KDM4C: variants seen among roughly 807,000 people sequenced by gnomAD.
The protein encoded by KDM4C is lysine demethylase 4C, also known as lysine-specific demethylase 4C.
A neutral mutation model predicts 129.3 loss-of-function variants in KDM4C; 81 were observed. The observed-to-expected ratio is 0.63, with a 90% confidence interval of 0.52 to 0.75. KDM4C has a LOEUF of 0.75. Among genes scored for constraint, KDM4C ranks in the 30% least tolerant of loss-of-function variants. The pLI, the probability that KDM4C is intolerant of heterozygous loss-of-function variation, is 0.00. For synonymous variants in KDM4C, 573 were observed against 456.1 expected (o/e 1.26, Z -3.26); for missense variants, 1,457 against 1,304.0 (o/e 1.12, Z -1.81).
At chr9:6,854,019 A>G (rs2130243479) in intron 5 of KDM4C, among the ~76,000 whole-genome samples, 1 of 152,292 alleles carries the variant, frequency 6.6e-6, no homozygotes, top group African/African-American at 2.4e-5. Flanking sequence ...TATTTTAATA[A>G]CCATGAAAAT....
intron 4 of KDM4C, among the ~76,000 whole-genome samples, chr9:6,831,131 T>G (rs1425651610): frequency 1.3e-5 from 2 of 152,096 alleles, no homozygotes; most frequent in East Asian, 3.9e-4. Context: ...CACTAGTCAG[T>G]GGGGGAAGCG....
intron 15 of KDM4C, among the ~76,000 whole-genome samples, chr9:7,038,347 C>G (rs1425244322): frequency 6.6e-6 from 1 of 151,898 alleles, no homozygotes; most frequent in Non-Finnish European, 1.5e-5. Flanking sequence ...TGTCAGTTGG[C>G]CTTTCAGCTC....
At chr9:7,044,621 A>G (rs1829119210) in intron 15 of KDM4C, among the ~76,000 whole-genome samples, 1 of 151,916 alleles carries the variant, frequency 6.6e-6, no homozygotes, top group Admixed American at 6.6e-5. Context: ...GGCACCAATG[A>G]TGGAAAACAG....
intron 12 of KDM4C, among the ~76,000 whole-genome samples, chr9:6,998,325 C>A (rs559775888): frequency 6.6e-6 from 1 of 152,238 alleles, no homozygotes; most frequent in East Asian, 1.9e-4. Flanking sequence ...AATTGGAGAT[C>A]TTTCTTGGTG....
At chr9:7,094,343 T>A (rs59643629) in intron 17 of KDM4C, among the ~76,000 whole-genome samples, 3,688 of 152,184 alleles carry the variant, frequency 0.024, 167 homozygotes, top group African/African-American at 0.084. Flanking sequence ...TCTTTTTTTT[T>A]ATTTTATTTT....
chr9:7,146,692 T>A (rs1354265504), intron 19 of KDM4C, among the ~76,000 whole-genome samples: 1 of 152,214 alleles, frequency 6.6e-6, no homozygotes, highest in Admixed American at 6.5e-5. Context: ...GCTTGAAAAT[T>A]CCCAGGTAAG....
At chr9:6,868,947 G>A (rs1006053702) in intron 5 of KDM4C, among the ~76,000 whole-genome samples, 1 of 151,818 alleles carries the variant, frequency 6.6e-6, no homozygotes, top group African/African-American at 2.4e-5. Context: ...AGTAGACTAG[G>A]TAATATAAAA....
intron 18 of KDM4C, among the ~76,000 whole-genome samples, chr9:7,115,225 G>A (rs769865260): frequency 1.2e-4 from 18 of 151,936 alleles, no homozygotes; most frequent in East Asian, 3.9e-4. Context: ...TATTTTTTTC[G>A]TAGATAAGGT....
intron 1 of KDM4C, among the ~76,000 whole-genome samples, chr9:6,742,083 C>T (rs575250943): frequency 7.2e-5 from 11 of 152,026 alleles, no homozygotes; most frequent in Non-Finnish European, 1.3e-4. Context: ...AGCGATTTTC[C>T]TGCCTCAGCC....
At chr9:6,771,949 T>C (rs1821932721) in intron 1 of KDM4C, among the ~76,000 whole-genome samples, 1 of 152,148 alleles carries the variant, frequency 6.6e-6, no homozygotes. Context: ...CTCTCCCCAT[T>C]CCAGCCCCCC....
At chr9:7,051,700 G>A (rs759836604) in intron 17 of KDM4C, among the ~76,000 whole-genome samples, 6 of 152,112 alleles carry the variant, frequency 3.9e-5, no homozygotes, top group Non-Finnish European at 1.5e-5. Flanking sequence ...GGAGCTGTGG[G>A]CATTCCTTTT....
chr9:6,770,145 C>G (rs1821448576), intron 1 of KDM4C, among the ~76,000 whole-genome samples: 1 of 151,532 alleles, frequency 6.6e-6, no homozygotes, highest in Admixed American at 6.6e-5. Context: ...TGCCATTGCA[C>G]TCTAGCCTGG....
chr9:6,738,298 G>C lies in KDM4C; in HGVS notation c.49+17301G>C, dbSNP rs557316522. ...TTGAGACTGGCCTGACCAACATGGAGAAACCCCGTCTCTACTAAAAATACA... is the reference window on the plus strand; with the variant it reads ...TTGAGACTGGCCTGACCAACATGGACAAACCCCGTCTCTACTAAAAATACA... On this transcript the variant is annotated intron_variant, in intron 1 of 17. Transcript: ENST00000536108. Among the ~76,000 whole-genome samples, 15 of 152,140 alleles carry C rather than the reference G, an allele frequency of 9.9e-5. No individual in the cohort carries two copies. In the East Asian group the frequency reaches 1.7e-3, roughly 18 times the overall value.
intron 19 of KDM4C, among the ~76,000 whole-genome samples, chr9:7,135,247 G>A (rs566862360): frequency 2.7e-5 from 4 of 150,136 alleles, no homozygotes; most frequent in South Asian, 4.2e-4. Flanking sequence ...TGACAGTTAC[G>A]TTTTTCTTCA....
At chr9:6,914,360 C>G (rs1819921152) in intron 8 of KDM4C, among the ~76,000 whole-genome samples, 1 of 152,184 alleles carries the variant, frequency 6.6e-6, no homozygotes, top group South Asian at 2.1e-4. Context: ...GCATGAGCCA[C>G]TGTGCCTGGC....
At chr9:6,766,312 G>T (rs1004369605) in intron 1 of KDM4C, among the ~76,000 whole-genome samples, 1 of 152,070 alleles carries the variant, frequency 6.6e-6, no homozygotes, top group African/African-American at 2.4e-5. Context: ...AGATTTTGGA[G>T]TATTTCAGAT....
At chr9:7,173,674 C>G (rs1013487365) in intron 21 of KDM4C, among the ~76,000 whole-genome samples, 1 of 152,034 alleles carries the variant, frequency 6.6e-6, no homozygotes, top group Non-Finnish European at 1.5e-5. Flanking sequence ...GTCTACAGTG[C>G]CTTTAGGTTT....
intron 5 of KDM4C, among the ~76,000 whole-genome samples, chr9:6,850,954 C>A (rs540160215): frequency 6.6e-6 from 1 of 151,318 alleles, no homozygotes; most frequent in South Asian, 2.1e-4. Flanking sequence ...GGGGTTTCAC[C>A]ATGTTGGCCA....
At chr9:7,017,205 G>A (rs943986671) in intron 15 of KDM4C, among the ~76,000 whole-genome samples, 1 of 152,168 alleles carries the variant, frequency 6.6e-6, no homozygotes, top group African/African-American at 2.4e-5. Flanking sequence ...CTGAAGTGCT[G>A]GGGTTATAGG....
Sources: gnomAD v4.1 joint callset for allele counts (sites outside exome capture counted in the v4.1 genomes callset) on GRCh38, gnomAD v4.1.1 for gene constraint, MANE v1.5 for transcripts, NCBI Gene and HGNC (gene_info 2026-07-23, HGNC 2026-07-21) for gene names.